Variants in TIAM1 observed in about 807,000 individuals in gnomAD.
TIAM1 encodes rho guanine nucleotide exchange factor TIAM1.
Under a neutral mutation model 163.5 loss-of-function variants are expected in TIAM1, and 65 were observed. The observed-to-expected ratio is 0.40, with a 90% confidence interval of 0.33 to 0.49. TIAM1 has a LOEUF of 0.49. TIAM1 is among the 20% of genes least tolerant of loss of function. The pLI, the probability that TIAM1 is intolerant of heterozygous loss-of-function variation, is 0.77. For synonymous variants in TIAM1, 833 were observed against 810.1 expected (o/e 1.03, Z -0.48); for missense variants, 1,789 against 2,044.7 (o/e 0.87, Z 2.41).
intron 2 of TIAM1, among the ~76,000 whole-genome samples, chr21:31,359,246 G>A (rs573780578): frequency 3.3e-5 from 5 of 152,206 alleles, no homozygotes; most frequent in South Asian, 2.1e-4. Context: ...AAATGAAGAC[G>A]TAACTCATTA....
At chr21:31,210,600 A>C (rs1282062641) in intron 10 of TIAM1, among the ~76,000 whole-genome samples, 1 of 117,604 alleles carries the variant, frequency 8.5e-6, no homozygotes, top group Admixed American at 9.1e-5. Context: ...GAAAGAGAGA[A>C]AGAAGGAAGG....
At chr21:31,328,862 T>G (rs1166205150) in intron 2 of TIAM1, among the ~76,000 whole-genome samples, 1 of 152,042 alleles carries the variant, frequency 6.6e-6, no homozygotes, top group Non-Finnish European at 1.5e-5. Flanking sequence ...CTCAGACTGG[T>G]CTCGAACTCC....
chr21:31,277,716 T>C (rs903385612), intron 2 of TIAM1, among the ~76,000 whole-genome samples: 24 of 151,882 alleles, frequency 1.6e-4, no homozygotes, highest in Non-Finnish European at 3.1e-4. Flanking sequence ...GTCTATGGAG[T>C]AGCCATTCTT....
intron 2 of TIAM1, among the ~76,000 whole-genome samples, chr21:31,383,326 A>G (rs2076811125): frequency 6.6e-6 from 1 of 152,212 alleles, no homozygotes; most frequent in Admixed American, 6.5e-5. Flanking sequence ...GTCATGATCT[A>G]AACATACAGT....
chr21:31,213,183 T>C (rs975125005), intron 10 of TIAM1: 11 of 480,766 alleles, frequency 2.3e-5, no homozygotes, highest in African/African-American at 1.8e-4. Context: ...GTATGGGAAA[T>C]GTTATGTCAG....
At chr21:31,512,095 ATTTG>A (rs1293806140) in intron 1 of TIAM1, among the ~76,000 whole-genome samples, 2 of 151,976 alleles carry the variant, frequency 1.3e-5, no homozygotes, top group African/African-American at 2.4e-5. Context: ...AATTTATTTT[ATTTG>A]TTTATTTTAT....
At chr21:31,442,406 G>C (rs2044468892) in intron 2 of TIAM1, among the ~76,000 whole-genome samples, 1 of 151,632 alleles carries the variant, frequency 6.6e-6, no homozygotes, top group African/African-American at 2.4e-5. Flanking sequence ...GTAATTTTTG[G>C]ATTGTTAGTG....
chr21:31,349,137 T>G (rs1042291935), upstream of TIAM1, among the ~76,000 whole-genome samples: 32 of 152,188 alleles, frequency 2.1e-4, no homozygotes, highest in African/African-American at 7.7e-4. Context: ...ATCTTCCAAT[T>G]ATAAGTTTCC....
intron 2 of TIAM1, among the ~76,000 whole-genome samples, chr21:31,390,089 T>C (rs2076943235): frequency 6.6e-6 from 1 of 152,240 alleles, no homozygotes; most frequent in Non-Finnish European, 1.5e-5. Context: ...TAAGCAAGAA[T>C]GAGGGAACGT....
chr21:31,519,523 A>T (rs908117922), intron 1 of TIAM1, among the ~76,000 whole-genome samples: 1 of 151,306 alleles, frequency 6.6e-6, no homozygotes, highest in Non-Finnish European at 1.5e-5. Context: ...AAAAAAAAAA[A>T]AAAAAAAATT....
intron 1 of TIAM1, among the ~76,000 whole-genome samples, chr21:31,540,635 A>G (rs2048292742): frequency 6.6e-6 from 1 of 152,206 alleles, no homozygotes; most frequent in African/African-American, 2.4e-5. Context: ...TCATAAAATC[A>G]AAGACTCAAG....
chr21:31,370,880 A>G (rs1225134215), intron 2 of TIAM1, among the ~76,000 whole-genome samples: 1 of 152,220 alleles, frequency 6.6e-6, no homozygotes, highest in Non-Finnish European at 1.5e-5. Flanking sequence ...AGGCTATAGC[A>G]ACAAGCCCCG....
intron 6 of TIAM1, among the ~76,000 whole-genome samples, chr21:31,227,542 A>G (rs562385585): frequency 1.2e-3 from 182 of 152,334 alleles, no homozygotes; most frequent in Non-Finnish European, 1.9e-3. Context: ...AAGAAACAGC[A>G]GAAGTACCAC....
At chr21:31,260,984 C>A (rs894500299) in intron 4 of TIAM1, among the ~76,000 whole-genome samples, 8 of 152,152 alleles carry the variant, frequency 5.3e-5, no homozygotes, top group Non-Finnish European at 1.0e-4. Context: ...GCATTTTCAG[C>A]CCAGGAAACA....
At chr21:31,225,268 T>A (rs965926625) in intron 7 of TIAM1, among the ~76,000 whole-genome samples, 5 of 152,088 alleles carry the variant, frequency 3.3e-5, no homozygotes, top group African/African-American at 1.2e-4. Flanking sequence ...CCCAAAGTGC[T>A]GGGATTACAG....
intron 4 of TIAM1, among the ~76,000 whole-genome samples, chr21:31,256,655 A>G (rs1337004709): frequency 8.8e-6 from 1 of 114,156 alleles, no homozygotes; most frequent in Admixed American, 9.4e-5. Context: ...TCTCAGTATT[A>G]TCTCCTTGGT....
intron 1 of TIAM1, among the ~76,000 whole-genome samples, chr21:31,501,666 G>A (rs970278619): frequency 3.3e-5 from 5 of 151,834 alleles, no homozygotes; most frequent in African/African-American, 9.7e-5. Context: ...GCAGTGGCGC[G>A]ATCTCGGCTC....
chr21:31,147,787 AATATATAT>A (rs373598678), intron 19 of TIAM1, among the ~76,000 whole-genome samples: 1 of 139,854 alleles, frequency 7.2e-6, no homozygotes, highest in Non-Finnish European at 1.5e-5. Flanking sequence ...ATTATATTAA[AATATATAT>A]ATATATATAT....
chr21:31,548,316 A>AT (rs964168603), intron 1 of TIAM1, among the ~76,000 whole-genome samples: 11 of 151,428 alleles, frequency 7.3e-5, no homozygotes, highest in African/African-American at 2.4e-4. Context: ...CAATTTTTGT[A>AT]TTTTTAGTAG....
Sources: gnomAD v4.1 joint callset for allele counts (sites outside exome capture counted in the v4.1 genomes callset) on GRCh38, gnomAD v4.1.1 for gene constraint, MANE v1.5 for transcripts, NCBI Gene and HGNC (gene_info 2026-07-23, HGNC 2026-07-21) for gene names.